The following CALCOCO1 variants were observed in gnomAD, a reference collection of about 807,000 sequenced individuals.
The protein encoded by CALCOCO1 is calcium binding and coiled-coil domain 1, also known as calcium-binding and coiled-coil domain-containing protein 1.
Under a neutral mutation model 86.3 loss-of-function variants are expected in CALCOCO1, and 44 were observed. That is an observed-to-expected ratio of 0.51 (90% confidence interval 0.40 to 0.66). The LOEUF is 0.66. CALCOCO1 is among the 30% of genes least tolerant of loss of function. The probability of loss-of-function intolerance (pLI) is 0.00; values close to 1 mark genes in which losing one functional copy is unlikely to be tolerated. For missense variants in CALCOCO1, 708 were observed against 851.1 expected (o/e 0.83, Z 2.09); for synonymous variants, 297 against 327.6 (o/e 0.91, Z 1.01).
At chr12:53,719,674 C>A in intron 7 of CALCOCO1, 65 bp downstream of exon 7, 1 of 1,109,460 alleles carries the variant, frequency 9.0e-7, no homozygotes, top group South Asian at 1.3e-5. Context: ...TGGTGTCTGG[C>A]TCTCGAGAGG....
At chr12:53,723,968 C>A (rs765686136) in intron 3 of CALCOCO1, 185 bp from the exon 4 acceptor site, 35 of 598,850 alleles carry the variant, frequency 5.8e-5, no homozygotes, top group Non-Finnish European at 9.2e-5. Context: ...CTATCATAAT[C>A]ATAATAATGC....
intron 1 of CALCOCO1, chr12:53,725,657 G>T (rs1946008545): frequency 6.5e-6 from 1 of 155,010 alleles, no homozygotes; most frequent in Non-Finnish European, 1.4e-5. Context: ...CAACTGAGGT[G>T]TGGGGCCCTC....
intron 13 of CALCOCO1, 105 bp downstream of exon 13, chr12:53,713,589 CCAGGAGG>C: frequency 9.8e-7 from 1 of 1,020,996 alleles, no homozygotes. Flanking sequence ...TCGCTTCAGC[CCAGGAGG>C]CAGAGGCTGC....
intron 11 of CALCOCO1, 146 bp from the exon 12 acceptor site, chr12:53,714,387 TC>T (rs1565642364): frequency 2.9e-6 from 2 of 685,406 alleles, no homozygotes. Context: ...AGGCAGACAC[TC>T]CCCCCAGCAC....
chr12:53,715,060 G>T, intron 10 of CALCOCO1, 140 bp downstream of exon 10: 1 of 1,025,526 alleles, frequency 9.8e-7, no homozygotes, highest in Non-Finnish European at 1.4e-6. Context: ...AACCAATGAG[G>T]GCTTGCGTGT....
In CALCOCO1 at chr12:53,713,791, A is replaced by G. The variant is rs1236730110; in HGVS notation, c.1701T>C (p.Pro567=). The change falls in exon 13 of 15, where the codon CCT becomes CCC. Residue 567 remains proline, a synonymous_variant. Coordinates refer to ENST00000550804, the MANE Select transcript of CALCOCO1 (RefSeq NM_020898.3). ...RGDPGSSPAG[P]REASPLVVIS... ...TGACAACAAGGGGAGAAGCCTCTCG[A>G]GGCCCAGCAGGAGAGGAGCCTGGGT... 1 of 1,600,352 alleles carries G rather than the reference A, an allele frequency of 6.2e-7. No individual in the cohort carries two copies. Among genetic ancestry groups the G allele is most frequent in the Non-Finnish European group, 8.5e-7 (1 of 1,173,696 alleles).
chr12:53,722,225 A>G (rs1945893718), intron 4 of CALCOCO1, 42 bp from the exon 5 acceptor site: 3 of 1,605,396 alleles, frequency 1.9e-6, no homozygotes, highest in Admixed American at 1.7e-5. Flanking sequence ...CTGGTGGAGT[A>G]CCCCTTCTAA....
intron 7 of CALCOCO1, among the ~76,000 whole-genome samples, chr12:53,717,494 T>C (rs1446655187): frequency 6.6e-6 from 1 of 152,196 alleles, no homozygotes; most frequent in Non-Finnish European, 1.5e-5. Flanking sequence ...CACCCGCACA[T>C]TCAACTGCCC....
intron 9 of CALCOCO1, 76 bp downstream of exon 9, chr12:53,715,717 T>C: frequency 2.6e-6 from 4 of 1,565,518 alleles, no homozygotes; most frequent in Non-Finnish European, 2.6e-6. Flanking sequence ...TCCCAGAGGG[T>C]CTGACCACAT....
rs572066614 is a variant in CALCOCO1 at position 53,708,816 on chromosome 12, G to A, written c.*3128C>T. On this transcript the variant is annotated 3_prime_UTR_variant, in exon 15 of 15. Transcript: ENST00000550804. Reference sequence around the variant, plus strand: ...CGTGGTATGTCAAAGGATAACTGAGGGCAGTCAAGTAAGGCTCCATGTAGG... The same window carrying A: ...CGTGGTATGTCAAAGGATAACTGAGAGCAGTCAAGTAAGGCTCCATGTAGG... The A allele has an allele frequency of 5.3e-5, 8 of 152,302 alleles. No homozygotes were observed. The highest frequency in any genetic ancestry group is 1.9e-4 in the African/African-American group (8 of 41,564). 9.4% of individuals were successfully genotyped at this position (152,302 alleles called of 1,614,324 possible). A position where few individuals can be genotyped will look rare whatever the true frequency, so the allele number is the denominator to read the frequency against.
Position 53,708,625 on chromosome 12 carries a change from A to C in CALCOCO1, c.*3319T>G, listed in dbSNP as rs1945503082. ...TGTATGTATAAAACATTTCATTAAA[A>C]TAACTTAAAGATTATTTCTGGAGGA... On this transcript the variant is annotated 3_prime_UTR_variant, in exon 15 of 15. Coordinates refer to ENST00000550804, the MANE Select transcript of CALCOCO1 (RefSeq NM_020898.3). 1 of 152,180 alleles carries C rather than the reference A, an allele frequency of 6.6e-6. No homozygotes were observed. The highest frequency in any genetic ancestry group is 2.4e-5 in the African/African-American group (1 of 41,444). 9.4% of individuals were successfully genotyped at this position (152,180 alleles called of 1,614,324 possible). A position where few individuals can be genotyped will look rare whatever the true frequency, so the allele number is the denominator to read the frequency against.
At chr12:53,720,769 T>G (rs948280145) in intron 6 of CALCOCO1, among the ~76,000 whole-genome samples, 1 of 152,168 alleles carries the variant, frequency 6.6e-6, no homozygotes, top group African/African-American at 2.4e-5. Context: ...CTGGTGAAAA[T>G]TTGAAGGATG....
chr12:53,713,847 G>T lies in CALCOCO1; in HGVS notation c.1645C>A (p.Leu549Ile). ...SEDESPEDMRLPPYGLCERGD... is the reference protein window; with the variant it reads ...SEDESPEDMRIPPYGLCERGD... ...CGCTCACAAAGGCCATAGGGTGGGA[G>T]CCTCATGTCTTCTGGGGACTCGTCC... Residue 549 changes from leucine to isoleucine, a missense_variant, in exon 13 of 15, where the codon CTC becomes ATC. Coordinates refer to ENST00000550804, the MANE Select transcript of CALCOCO1 (RefSeq NM_020898.3). 2.6e-6 allele frequency: 4 copies of T among 1,540,500 alleles called. No individual in the cohort carries two copies.
At chr12:53,724,972 C>T in intron 2 of CALCOCO1, 115 bp downstream of exon 2, 1 of 1,234,120 alleles carries the variant, frequency 8.1e-7, no homozygotes, top group African/African-American at 1.5e-5. Context: ...TCTGTGACAT[C>T]TTTCTCTCTT....
intron 4 of CALCOCO1, among the ~76,000 whole-genome samples, chr12:53,722,496 C>T (rs904785330): frequency 6.6e-6 from 1 of 152,138 alleles, no homozygotes; most frequent in African/African-American, 2.4e-5. Flanking sequence ...AGGGATGGGT[C>T]CCCTAATTTT....
chr12:53,720,745 C>A (rs1419401698), intron 6 of CALCOCO1, among the ~76,000 whole-genome samples: 1 of 152,162 alleles, frequency 6.6e-6, no homozygotes, highest in Non-Finnish European at 1.5e-5. Flanking sequence ...AAATAAGGAA[C>A]TAGAGTGTTT....
At chr12:53,714,330 T>C (rs1189770982) in intron 11 of CALCOCO1, 89 bp from the exon 12 acceptor site, 2 of 986,028 alleles carry the variant, frequency 2.0e-6, no homozygotes, top group African/African-American at 1.6e-5. Flanking sequence ...AGAAGAACTC[T>C]TAGCTCCTCA....
At chr12:53,716,541 C>G (rs573177087) in intron 7 of CALCOCO1, 126 bp from the exon 8 acceptor site, 1 of 937,116 alleles carries the variant, frequency 1.1e-6, no homozygotes, top group Non-Finnish European at 1.6e-6. Context: ...AAGCCTTCAG[C>G]TATTGCCAGC....
At chr12:53,717,316 C>T (rs1335962082) in intron 7 of CALCOCO1, among the ~76,000 whole-genome samples, 2 of 152,220 alleles carry the variant, frequency 1.3e-5, no homozygotes, top group Admixed American at 1.3e-4. Context: ...ATCCTCCTGC[C>T]TTCACCTCCC....
Sources: allele counts gnomAD v4.1 joint callset (sites outside exome capture counted in the v4.1 genomes callset), GRCh38; gene constraint gnomAD v4.1.1; transcripts MANE v1.5; gene names NCBI Gene and HGNC (gene_info 2026-07-23, HGNC 2026-07-21).